SLC35F3: variants seen among roughly 807,000 people sequenced by gnomAD.
SLC35F3 encodes solute carrier family 35 member F3, also known as putative thiamine transporter SLC35F3.
SLC35F3 carries 25 observed loss-of-function variants against 49.9 expected under a neutral mutation model. That is an observed-to-expected ratio of 0.50 (90% CI 0.37 to 0.70). The LOEUF is 0.70. Ranked by LOEUF, SLC35F3 falls within the 30% of genes least tolerant of loss-of-function variation. SLC35F3 has a pLI of 0.00. For missense variants in SLC35F3, 525 were observed against 639.8 expected (o/e 0.82, Z 1.94); for synonymous variants, 275 against 265.4 (o/e 1.04, Z -0.35).
chr1:234,161,627 A>G (rs1666227849), intron 2 of SLC35F3, among the ~76,000 whole-genome samples: 1 of 152,062 alleles, frequency 6.6e-6, no homozygotes, highest in African/African-American at 2.4e-5. Flanking sequence ...GCAGCTGGAA[A>G]ATGTAAAACA....
chr1:233,915,808 T>G (rs1025246846), intron 2 of SLC35F3, among the ~76,000 whole-genome samples: 1 of 152,208 alleles, frequency 6.6e-6, no homozygotes. Flanking sequence ...GGAACTCCTC[T>G]TTTTAAAACC....
intron 2 of SLC35F3, among the ~76,000 whole-genome samples, chr1:234,154,114 T>G (rs1666116837): frequency 6.6e-6 from 1 of 151,246 alleles, no homozygotes; most frequent in Admixed American, 6.6e-5. Context: ...TATATGCCTG[T>G]AGTCCCAGCT....
At chr1:234,148,717 C>A (rs1440446109) in intron 2 of SLC35F3, among the ~76,000 whole-genome samples, 3 of 152,124 alleles carry the variant, frequency 2.0e-5, no homozygotes, top group African/African-American at 7.2e-5. Context: ...GCAGGGAGAC[C>A]AGTTATAAAT....
At chr1:233,956,446 CTA>C (rs1662703744) in intron 2 of SLC35F3, among the ~76,000 whole-genome samples, 1 of 152,198 alleles carries the variant, frequency 6.6e-6, no homozygotes, top group Non-Finnish European at 1.5e-5. Context: ...AAAACCATTT[CTA>C]GTTTCATTGC....
At chr1:234,312,234 T>G (rs549974376) in intron 4 of SLC35F3, among the ~76,000 whole-genome samples, 1 of 152,136 alleles carries the variant, frequency 6.6e-6, no homozygotes, top group Non-Finnish European at 1.5e-5. Context: ...GGAGGTGAGA[T>G]TCTCCGATTG....
chr1:234,129,137 A>C (rs1665695586), intron 2 of SLC35F3, among the ~76,000 whole-genome samples: 1 of 152,214 alleles, frequency 6.6e-6, no homozygotes, highest in Admixed American at 6.5e-5. Flanking sequence ...GGCAAGTAGA[A>C]GAAGATATTT....
chr1:234,137,668 C>T (rs1342175890), intron 2 of SLC35F3, among the ~76,000 whole-genome samples: 3 of 152,154 alleles, frequency 2.0e-5, no homozygotes, highest in African/African-American at 7.2e-5. Context: ...GTTACATGCT[C>T]AGGGAAGACT....
chr1:234,069,339 C>G (rs1664680066), intron 2 of SLC35F3, among the ~76,000 whole-genome samples: 1 of 149,554 alleles, frequency 6.7e-6, no homozygotes. Context: ...CTCATTGCAA[C>G]CTCCACCTCC....
intron 2 of SLC35F3, among the ~76,000 whole-genome samples, chr1:234,200,402 T>G (rs1666885875): frequency 6.6e-6 from 1 of 152,140 alleles, no homozygotes; most frequent in Non-Finnish European, 1.5e-5. Context: ...TTTGCAAATA[T>G]TTTCTCCTAT....
intron 2 of SLC35F3, among the ~76,000 whole-genome samples, chr1:234,050,648 C>A (rs1391708911): frequency 6.6e-6 from 1 of 152,140 alleles, no homozygotes; most frequent in East Asian, 1.9e-4. Context: ...TTAATTAGAT[C>A]CCATTTATCA....
At chr1:234,030,908 G>C (rs779592801) in intron 2 of SLC35F3, among the ~76,000 whole-genome samples, 1 of 152,172 alleles carries the variant, frequency 6.6e-6, no homozygotes, top group Non-Finnish European at 1.5e-5. Context: ...TTAGGTCTCA[G>C]CTCAAATGGA....
intron 2 of SLC35F3, among the ~76,000 whole-genome samples, chr1:234,018,783 C>G (rs1663846104): frequency 6.6e-6 from 1 of 152,312 alleles, no homozygotes; most frequent in Non-Finnish European, 1.5e-5. Flanking sequence ...TGACTCAGAA[C>G]CCATCTTGGC....
intron 3 of SLC35F3, among the ~76,000 whole-genome samples, chr1:234,305,013 CATCTTAGTTT>C (rs1199077856): frequency 6.6e-6 from 1 of 152,152 alleles, no homozygotes; most frequent in Non-Finnish European, 1.5e-5. Flanking sequence ...AGAAATAATT[CATCTTAGTTT>C]AAAAGAAAAG....
chr1:234,306,555 G>C (rs1468976080), intron 3 of SLC35F3: 2 of 152,458 alleles, frequency 1.3e-5, no homozygotes, highest in African/African-American at 4.8e-5. Context: ...AAGCTCACCA[G>C]TCCAGGGGGC....
chr1:234,137,654 G>A lies in SLC35F3; in HGVS notation c.284-93763G>A, dbSNP rs114893925. 6.6e-3 allele frequency among the ~76,000 whole-genome samples: 1,000 copies of A among 152,284 alleles called. 15 individuals carry two copies. Among genetic ancestry groups the A allele is most frequent in the African/African-American group, 0.022 (929 of 41,550 alleles). ...CCTGAGTAAGAGGCATCTTCGTGTC[G>A]TTAGTTACATGCTCAGGGAAGACTT... On this transcript the variant is annotated intron_variant, in intron 2 of 7. Coordinates refer to ENST00000366618, the MANE Select transcript of SLC35F3 (RefSeq NM_173508.4).
chr1:234,234,570 C>T (rs934771246), intron 3 of SLC35F3, among the ~76,000 whole-genome samples: 1 of 152,096 alleles, frequency 6.6e-6, no homozygotes, highest in African/African-American at 2.4e-5. Flanking sequence ...TGTAAATGCC[C>T]TGGAGTTGTT....
intron 7 of SLC35F3, among the ~76,000 whole-genome samples, chr1:234,322,026 T>A (rs1368969136): frequency 8.3e-6 from 1 of 120,982 alleles, no homozygotes; most frequent in Non-Finnish European, 1.8e-5. Context: ...ACAAAAATAA[T>A]AATAATAATA....
intron 2 of SLC35F3, among the ~76,000 whole-genome samples, chr1:233,946,937 T>G (rs1662521820): frequency 6.6e-6 from 1 of 152,190 alleles, no homozygotes. Context: ...TTTTACCATC[T>G]GTGAAATGGG....
intron 2 of SLC35F3, among the ~76,000 whole-genome samples, chr1:234,170,003 A>G (rs1324477560): frequency 6.6e-6 from 1 of 152,004 alleles, no homozygotes; most frequent in Non-Finnish European, 1.5e-5. Context: ...TCCTGACCTC[A>G]TGATCCGCCT....
Sources: allele counts gnomAD v4.1 joint callset (sites outside exome capture counted in the v4.1 genomes callset), GRCh38; gene constraint gnomAD v4.1.1; transcripts MANE v1.5; gene names NCBI Gene and HGNC (gene_info 2026-07-23, HGNC 2026-07-21).